The following CHCHD3 variants were observed in gnomAD, a reference collection of about 807,000 sequenced individuals.
CHCHD3 encodes MICOS complex subunit MIC19.
In CHCHD3, 20 loss-of-function variants were observed where a neutral mutation model predicts 38.2. That is an observed-to-expected ratio of 0.52 (90% CI 0.37 to 0.76). The LOEUF is 0.76. Ranked by LOEUF, CHCHD3 falls within the 30% of genes least tolerant of loss-of-function variation. The pLI is 0.00. For missense variants in CHCHD3, 245 were observed against 279.2 expected (o/e 0.88, Z 0.87); for synonymous variants, 82 against 100.0 (o/e 0.82, Z 1.07).
At chr7:132,820,880 G>A (rs1807357403) in intron 6 of CHCHD3, among the ~76,000 whole-genome samples, 1 of 152,080 alleles carries the variant, frequency 6.6e-6, no homozygotes, top group South Asian at 2.1e-4. Context: ...ACTATGACAA[G>A]GTTTTAGGTG....
At chr7:132,970,179 A>G (rs1811578079) in intron 4 of CHCHD3, among the ~76,000 whole-genome samples, 1 of 152,064 alleles carries the variant, frequency 6.6e-6, no homozygotes, top group African/African-American at 2.4e-5. Flanking sequence ...GTGTCCCCCT[A>G]TCCCCACGTT....
At chr7:132,854,741 T>C (rs1028720314) in intron 5 of CHCHD3, among the ~76,000 whole-genome samples, 5 of 152,342 alleles carry the variant, frequency 3.3e-5, no homozygotes, top group Middle Eastern at 3.4e-3. Flanking sequence ...AGTAAGGTCC[T>C]AGGACCTGAA....
chr7:132,879,751 TGCTTTCTTTC>T (rs1173712913), intron 5 of CHCHD3, among the ~76,000 whole-genome samples: 57 of 131,636 alleles, frequency 4.3e-4, no homozygotes, highest in Middle Eastern at 4.2e-3. Context: ...AAAAAAGGTT[TGCTTTCTTTC>T]CAGAAGATGG....
At chr7:132,980,792 T>C (rs1277235399) in intron 3 of CHCHD3, among the ~76,000 whole-genome samples, 1 of 152,200 alleles carries the variant, frequency 6.6e-6, no homozygotes, top group African/African-American at 2.4e-5. Flanking sequence ...CATTCAACTT[T>C]CATGGACAGC....
chr7:132,794,320 T>C (rs945931024), intron 7 of CHCHD3, among the ~76,000 whole-genome samples: 7 of 152,250 alleles, frequency 4.6e-5, no homozygotes, highest in Non-Finnish European at 1.0e-4. Flanking sequence ...GCAAGGTACA[T>C]CTTGGTCTAG....
At chr7:132,914,962 G>A (rs1282756915) in intron 4 of CHCHD3, among the ~76,000 whole-genome samples, 1 of 152,122 alleles carries the variant, frequency 6.6e-6, no homozygotes, top group Non-Finnish European at 1.5e-5. Flanking sequence ...CGGAGTTTGA[G>A]ACGAGCCTGG....
chr7:132,870,093 G>A (rs539543550), intron 5 of CHCHD3, among the ~76,000 whole-genome samples: 9 of 152,040 alleles, frequency 5.9e-5, no homozygotes, highest in African/African-American at 2.2e-4. Context: ...ACTCATGCCT[G>A]TAATCCCAGC....
chr7:132,983,475 T>C (rs1811972362), intron 3 of CHCHD3, among the ~76,000 whole-genome samples: 1 of 152,240 alleles, frequency 6.6e-6, no homozygotes, highest in Non-Finnish European at 1.5e-5. Context: ...ATTGCTATAA[T>C]TCAGTAGGCA....
At chr7:132,807,906 T>C (rs1806973077) in intron 6 of CHCHD3, among the ~76,000 whole-genome samples, 1 of 151,798 alleles carries the variant, frequency 6.6e-6, no homozygotes. Flanking sequence ...GAGAAATTGC[T>C]GTAATGAAGT....
intron 4 of CHCHD3, among the ~76,000 whole-genome samples, chr7:132,912,725 T>C (rs1405955078): frequency 6.6e-6 from 1 of 152,152 alleles, no homozygotes; most frequent in Non-Finnish European, 1.5e-5. Flanking sequence ...CGGCTAATTT[T>C]CATATTTTTA....
At chr7:132,835,607 G>A (rs1237783275) in intron 6 of CHCHD3, among the ~76,000 whole-genome samples, 1 of 152,122 alleles carries the variant, frequency 6.6e-6, no homozygotes, top group East Asian at 1.9e-4. Context: ...ATTCAGGACA[G>A]AGATTTTTGC....
At chr7:133,018,491 G>A (rs536416823) in intron 3 of CHCHD3, among the ~76,000 whole-genome samples, 2 of 152,168 alleles carry the variant, frequency 1.3e-5, no homozygotes, top group South Asian at 4.1e-4. Flanking sequence ...ATCAATATTA[G>A]TTATCAATAG....
chr7:132,839,939 G>C (rs1807896801), intron 5 of CHCHD3, among the ~76,000 whole-genome samples: 1 of 152,224 alleles, frequency 6.6e-6, no homozygotes, highest in Non-Finnish European at 1.5e-5. Context: ...CAGAACAGTT[G>C]TAAGGATCGA....
intron 2 of CHCHD3, among the ~76,000 whole-genome samples, chr7:133,067,201 T>C (rs770895345): frequency 6.6e-6 from 1 of 152,226 alleles, no homozygotes; most frequent in African/African-American, 2.4e-5. Flanking sequence ...AAATTTTAAG[T>C]GTCATCTATC....
At chr7:133,015,886 T>C (rs1250427396) in intron 3 of CHCHD3, among the ~76,000 whole-genome samples, 1 of 152,148 alleles carries the variant, frequency 6.6e-6, no homozygotes, top group Non-Finnish European at 1.5e-5. Context: ...CTTTCAATTA[T>C]GGCAGAAGGG....
intron 3 of CHCHD3, among the ~76,000 whole-genome samples, chr7:132,998,142 C>A (rs760882019): frequency 1.3e-5 from 2 of 152,116 alleles, no homozygotes; most frequent in Non-Finnish European, 2.9e-5. Flanking sequence ...AACTATAACA[C>A]GTATGTGATG....
chr7:132,988,239 G>A (rs1485326885), intron 3 of CHCHD3, among the ~76,000 whole-genome samples: 1 of 151,820 alleles, frequency 6.6e-6, no homozygotes, highest in East Asian at 1.9e-4. Flanking sequence ...GGTATAGCCA[G>A]AATTAAACTC....
intron 4 of CHCHD3, among the ~76,000 whole-genome samples, chr7:132,904,493 C>T (rs1054724523): frequency 1.3e-5 from 2 of 152,158 alleles, no homozygotes; most frequent in Admixed American, 1.3e-4. Context: ...TGAAAAAATG[C>T]TCATCATCAT....
At chr7:132,973,059 A>G in intron 4 of CHCHD3, 2 of 985,306 alleles carry the variant, frequency 2.0e-6, no homozygotes, top group East Asian at 1.1e-4. Flanking sequence ...ATCTCTTTTT[A>G]TGTCTTGCTG....
Sources: gnomAD v4.1 joint callset for allele counts (sites outside exome capture counted in the v4.1 genomes callset) on GRCh38, gnomAD v4.1.1 for gene constraint, MANE v1.5 for transcripts, NCBI Gene and HGNC (gene_info 2026-07-23, HGNC 2026-07-21) for gene names.